The following ST8SIA5 variants were observed in gnomAD, a reference collection of about 807,000 sequenced individuals.
The protein encoded by ST8SIA5 is ST8 alpha-N-acetyl-neuraminide alpha-2,8-sialyltransferase 5.
A neutral mutation model predicts 40.2 loss-of-function variants in ST8SIA5; 24 were observed. The ratio of observed to expected loss-of-function variants is 0.60; its 90% CI spans 0.43 to 0.84. The LOEUF (loss-of-function observed/expected upper bound fraction) is 0.84, where lower values mean the gene tolerates loss of function less well. Ranked by LOEUF, ST8SIA5 falls within the 40% of genes least tolerant of loss-of-function variation. ST8SIA5 has a pLI of 0.00. For missense variants in ST8SIA5, 465 were observed against 498.5 expected, an observed-to-expected ratio of 0.93 and a Z score of 0.64; for synonymous variants, 198 against 201.8, an observed-to-expected ratio of 0.98 and a Z score of 0.16.
intron 1 of ST8SIA5, chr18:46,730,119 G>T (rs1023988730): frequency 1.3e-5 from 13 of 970,166 alleles, no homozygotes; most frequent in Non-Finnish European, 1.6e-5. Context: ...ACCTGCAGCT[G>T]CCATGTTCCT....
chr18:46,683,666 C>A (rs2039419129), intron 5 of ST8SIA5, among the ~76,000 whole-genome samples: 1 of 151,816 alleles, frequency 6.6e-6, no homozygotes, highest in Non-Finnish European at 1.5e-5. Context: ...CTGTCACCTA[C>A]TTTATGATCC....
chr18:46,717,246 C>G (rs2039801710), intron 1 of ST8SIA5, among the ~76,000 whole-genome samples: 1 of 152,196 alleles, frequency 6.6e-6, no homozygotes, highest in Non-Finnish European at 1.5e-5. Context: ...TCCTCCTCTG[C>G]CTTCCCAGAG....
intron 1 of ST8SIA5, among the ~76,000 whole-genome samples, chr18:46,750,968 G>A (rs946922826): frequency 1.3e-4 from 20 of 151,964 alleles, no homozygotes; most frequent in Non-Finnish European, 1.0e-4. Context: ...TTTTTATTGT[G>A]GCAAAATACA....
At chr18:46,750,902 A>G (rs2040189767) in intron 1 of ST8SIA5, among the ~76,000 whole-genome samples, 1 of 152,128 alleles carries the variant, frequency 6.6e-6, no homozygotes, top group South Asian at 2.1e-4. Flanking sequence ...GAGGGTTTCA[A>G]CCCAACGGAT....
At chr18:46,721,288 C>CA in intron 1 of ST8SIA5, 1 of 1,342,340 alleles carries the variant, frequency 7.4e-7, no homozygotes, top group African/African-American at 1.4e-5. Flanking sequence ...AGGAAGTGGA[C>CA]AATGTGGCAG....
Position 46,688,851 on chromosome 18 carries a change from C to A in ST8SIA5, c.380G>T (p.Gly127Val). The change falls in exon 4 of 7, where the codon GGG (glycine) becomes GTG (valine). Residue 127 changes from glycine (G) to valine (V), a missense_variant. Transcript: ENST00000315087. ...GTCCACCTCATACTTGAGCTTTGTC[C>A]CCAGGGGAGTGTTCTTCTGGGTGGT... is the stretch of plus-strand genomic sequence containing the variant. ...LFTTQKNTPL[G>V]TKLKYEVDTS... 1 of 1,614,080 alleles carries A rather than the reference C, an allele frequency of 6.2e-7. No homozygotes were observed. Among genetic ancestry groups the A allele is most frequent in the African/African-American group, 1.3e-5 (1 of 75,024 alleles).
intron 1 of ST8SIA5, among the ~76,000 whole-genome samples, chr18:46,706,875 G>A (rs74451998): frequency 0.013 from 1,980 of 152,262 alleles, 15 homozygotes; most frequent in Non-Finnish European, 0.019. Context: ...GATTATATCA[G>A]AGGCAGCAGC....
intron 6 of ST8SIA5, 82 bp downstream of exon 6, chr18:46,681,887 TAAC>T (rs1256183618): frequency 1.8e-5 from 26 of 1,420,754 alleles, no homozygotes; most frequent in Non-Finnish European, 1.4e-5. Context: ...ACCTCCAGAC[TAAC>T]AACACTTCCA....
chr18:46,734,326 G>C, intron 1 of ST8SIA5, among the ~76,000 whole-genome samples: 1 of 152,116 alleles, frequency 6.6e-6, no homozygotes, highest in East Asian at 1.9e-4. Flanking sequence ...CAAAAGAAAA[G>C]ATGCTGCAGG....
chr18:46,754,811 G>A (rs1045534038), intron 1 of ST8SIA5, among the ~76,000 whole-genome samples: 7 of 152,246 alleles, frequency 4.6e-5, no homozygotes, highest in Non-Finnish European at 1.0e-4. Context: ...GCAACTTTGG[G>A]GAGGTGCCGG....
At chr18:46,711,840 A>G (rs1017678076) in intron 1 of ST8SIA5, among the ~76,000 whole-genome samples, 1 of 152,176 alleles carries the variant, frequency 6.6e-6, no homozygotes, top group Non-Finnish European at 1.5e-5. Flanking sequence ...AGCAGCCTTG[A>G]ACTTCACCTG....
chr18:46,696,452 C>T (rs1394070935), intron 2 of ST8SIA5, among the ~76,000 whole-genome samples: 2 of 152,194 alleles, frequency 1.3e-5, no homozygotes, highest in South Asian at 4.1e-4. Flanking sequence ...AGCGTCTGGG[C>T]CCTACTCTCT....
chr18:46,717,194 G>C (rs984383933), intron 1 of ST8SIA5, among the ~76,000 whole-genome samples: 1 of 152,250 alleles, frequency 6.6e-6, no homozygotes, highest in African/African-American at 2.4e-5. Flanking sequence ...CAGTCCAGAG[G>C]GAACAGGGTT....
At chr18:46,686,412 G>A (rs981820695) in intron 4 of ST8SIA5, 126 bp from the exon 5 acceptor site, 1 of 744,660 alleles carries the variant, frequency 1.3e-6, no homozygotes, top group East Asian at 2.7e-5. Context: ...TGTGGGGAAT[G>A]TGGGAGGAAA....
At chr18:46,689,027 C>T in intron 3 of ST8SIA5, 108 bp from the exon 4 acceptor site, 1 of 1,363,046 alleles carries the variant, frequency 7.3e-7, no homozygotes, top group Non-Finnish European at 9.8e-7. Flanking sequence ...GCCTCTCCTG[C>T]TCACCTATCC....
intron 1 of ST8SIA5, among the ~76,000 whole-genome samples, chr18:46,756,058 G>T (rs1198058587): frequency 6.6e-6 from 1 of 152,220 alleles, no homozygotes; most frequent in Admixed American, 6.5e-5. Flanking sequence ...TGGGTCTGGA[G>T]GACACCGCTC....
At chr18:46,687,101 T>C (rs1459003990) in intron 4 of ST8SIA5, among the ~76,000 whole-genome samples, 1 of 152,212 alleles carries the variant, frequency 6.6e-6, no homozygotes, top group Non-Finnish European at 1.5e-5. Flanking sequence ...ATACAGCCCG[T>C]GGGCCACATC....
At position 46,687,511 on chromosome 18, in the gene ST8SIA5, G is replaced by A. The variant is rs115778408; in HGVS notation, c.457-1225C>T. 4.5e-3 allele frequency among the ~76,000 whole-genome samples: 689 copies of A among 152,252 alleles called. 5 individuals are homozygous for A. The highest frequency in any genetic ancestry group is 0.015 in the African/African-American group (629 of 41,542). ...TGTTACACCCACTGGCATTACCTGC[G>A]TGAGATGCAAATCCACCTGCTGTCA... is the stretch of plus-strand genomic sequence containing the variant. On this transcript the variant is annotated intron_variant, in intron 4 of 6. Transcript: ENST00000315087.
At chr18:46,730,181 A>G (rs1242553844) in intron 1 of ST8SIA5, 5 of 985,232 alleles carry the variant, frequency 5.1e-6, no homozygotes, top group Middle Eastern at 5.2e-4. Context: ...CAGAGCTTCA[A>G]TAGCCATCCA....
Sources: gnomAD v4.1 joint callset for allele counts (sites outside exome capture counted in the v4.1 genomes callset) on GRCh38, gnomAD v4.1.1 for gene constraint, MANE v1.5 for transcripts, NCBI Gene and HGNC (gene_info 2026-07-23, HGNC 2026-07-21) for gene names.